Variants in USP10 observed in about 807,000 individuals in gnomAD.
USP10 encodes the protein ubiquitin specific peptidase 10, also known as ubiquitin carboxyl-terminal hydrolase 10.
Under a neutral mutation model 84.5 loss-of-function variants are expected in USP10, and 22 were observed. That is an observed-to-expected ratio of 0.26 (90% CI 0.19 to 0.37). The LOEUF (loss-of-function observed/expected upper bound fraction) is 0.37. USP10 is among the 10% of genes least tolerant of loss of function. USP10 has a pLI of 1.00. For synonymous variants in USP10, 454 were observed against 387.6 expected, an observed-to-expected ratio of 1.17 and a Z score of -2.01; for missense variants, 1,019 against 998.9, an observed-to-expected ratio of 1.02 and a Z score of -0.27.
At chr16:84,771,635 G>A (rs1050827051) in intron 11 of USP10, among the ~76,000 whole-genome samples, 2 of 152,200 alleles carry the variant, frequency 1.3e-5, no homozygotes, top group African/African-American at 2.4e-5. Context: ...TTGGGAGGCT[G>A]AGGCAGGTGG....
intron 1 of USP10, chr16:84,732,952 A>C (rs1189846152): frequency 2.5e-6 from 1 of 399,150 alleles, no homozygotes; most frequent in East Asian, 7.1e-5. Flanking sequence ...CTAAGAAGTT[A>C]TATAGATATT....
chr16:84,737,850 A>T (rs192842109), intron 2 of USP10, among the ~76,000 whole-genome samples: 48 of 152,206 alleles, frequency 3.2e-4, no homozygotes, highest in African/African-American at 1.2e-3. Flanking sequence ...AGTCAGTGCC[A>T]CCTGGTGTCA....
chr16:84,745,141 T>C lies in USP10; in HGVS notation c.660T>C (p.Ser220=), dbSNP rs1424758972. The C allele has an allele frequency of 2.5e-6, 4 of 1,613,380 alleles. No individual in the cohort carries two copies. The African/African-American group carries it at 4.0e-5, about 16-fold the overall frequency. ...NSPQNSTDSV[S]DIVPDSPFPG... The stretch of plus-strand genomic sequence containing the variant: ...CCCAGAACTCCACAGACTCTGTCAG[T>C]GACATTGTGCCTGACAGTCCTTTCC... Residue 220 remains serine (S), a synonymous_variant, in exon 4 of 14, where the codon AGT becomes AGC. Coordinates refer to ENST00000219473, the MANE Select transcript of USP10 (RefSeq NM_005153.3).
chr16:84,706,844 C>CTA (rs142196139), intron 1 of USP10, among the ~76,000 whole-genome samples: 2 of 151,900 alleles, frequency 1.3e-5, no homozygotes, highest in Non-Finnish European at 1.5e-5. Flanking sequence ...CGGGCCAAGA[C>CTA]TATATATATA....
At chr16:84,722,803 G>T (rs538770233) in intron 1 of USP10, among the ~76,000 whole-genome samples, 2 of 152,160 alleles carry the variant, frequency 1.3e-5, no homozygotes, top group East Asian at 3.9e-4. Flanking sequence ...TGATTTGTCC[G>T]CCTCGGCCTC....
intron 2 of USP10, among the ~76,000 whole-genome samples, chr16:84,737,600 G>A (rs1197965896): frequency 1.3e-5 from 2 of 152,220 alleles, no homozygotes; most frequent in Non-Finnish European, 2.9e-5. Flanking sequence ...CAAAGTAAGT[G>A]TGTTGAGCAT....
rs376028876 is a variant in USP10, at chr16:84,744,699, G to C, written c.218G>C (p.Arg73Thr). 1.2e-6 allele frequency: 2 copies of C among 1,613,606 alleles called. No homozygotes were observed. Among genetic ancestry groups the C allele is most frequent in the Non-Finnish European group, 1.7e-6 (2 of 1,179,694 alleles). The part of the protein sequence containing the change: ...EVIEPSDTLP[R>T]TPSYSISSTL... ...ATTGAACCCAGTGACACTTTGCCGA[G>C]AACCCCCAGCTACAGTATTTCAAGC... Residue 73 changes from arginine (R) to threonine (T), a missense_variant, in exon 4 of 14, where the codon AGA (arginine) becomes ACA (threonine). This residue lies in a region of USP10 where 787 missense variants were observed against 708.8 expected (regional missense o/e 1.11). Transcript: ENST00000219473.
chr16:84,705,715 C>CTTTTT (rs1034372044), intron 1 of USP10, among the ~76,000 whole-genome samples: 78 of 71,296 alleles, frequency 1.1e-3, no homozygotes, highest in Non-Finnish European at 1.4e-3. Flanking sequence ...CCCTTGCTTG[C>CTTTTT]TTTTTTTTTT....
chr16:84,779,374 G>C lies in USP10; in HGVS notation c.*292G>C, dbSNP rs950012183. 1.6e-5 allele frequency: 4 copies of C among 244,178 alleles called. No homozygotes were observed. In the Admixed American group the frequency reaches 2.2e-4, roughly 13 times the overall value. The allele number at this position is 244,178 out of a possible 1,614,324, so 15.1% of individuals were successfully genotyped here. A position where few individuals can be genotyped will look rare whatever the true frequency, so the allele number is the denominator to read the frequency against. On this transcript the variant is annotated 3_prime_UTR_variant, in exon 14 of 14. Transcript: ENST00000219473. The stretch of plus-strand genomic sequence containing the variant: ...ATTCCTGAGATAAGAAAGTGGATTT[G>C]ATCCCCAGTCTCATTGCTTAGTAGA...
chr16:84,701,831 G>C (rs1013409345), intron 1 of USP10, among the ~76,000 whole-genome samples: 1 of 151,978 alleles, frequency 6.6e-6, no homozygotes, highest in African/African-American at 2.4e-5. Context: ...GTAAATGTTA[G>C]CAACACTTTG....
chr16:84,761,571 T>C lies in USP10; in HGVS notation c.1554+1296T>C, dbSNP rs975617853. ...ACGCGTAACTACTCCAGCACCAGAC[T>C]GTGACCACACGTGAAATGCTGCCAA... is the stretch of plus-strand genomic sequence containing the variant. On this transcript the variant is annotated intron_variant, in intron 8 of 13. Transcript: ENST00000219473. Among the ~76,000 whole-genome samples, 3 of 152,242 alleles carry C rather than the reference T, an allele frequency of 2.0e-5. No homozygotes were observed. The East Asian group carries it at 5.8e-4, about 29-fold the overall frequency.
chr16:84,704,300 G>T (rs73261576), intron 1 of USP10, among the ~76,000 whole-genome samples: 136 of 152,368 alleles, frequency 8.9e-4, no homozygotes, highest in African/African-American at 3.1e-3. Flanking sequence ...AATATGAAAC[G>T]TAGTGGGAAG....
intron 1 of USP10, among the ~76,000 whole-genome samples, chr16:84,728,831 C>T (rs1908850728): frequency 6.6e-6 from 1 of 152,030 alleles, no homozygotes; most frequent in African/African-American, 2.4e-5. Flanking sequence ...CGGAGTCTTC[C>T]TCTGTCATTC....
chr16:84,738,244 T>C (rs978407709), intron 2 of USP10, among the ~76,000 whole-genome samples: 11 of 152,322 alleles, frequency 7.2e-5, no homozygotes, highest in African/African-American at 2.6e-4. Context: ...AACATTGATA[T>C]AATAGTGATG....
At chr16:84,728,866 T>C (rs975554510) in intron 1 of USP10, among the ~76,000 whole-genome samples, 14 of 152,190 alleles carry the variant, frequency 9.2e-5, no homozygotes, top group Non-Finnish European at 4.4e-5. Flanking sequence ...TGGCACCATC[T>C]TGGCTCACTG....
intron 1 of USP10, among the ~76,000 whole-genome samples, chr16:84,713,031 C>T (rs966740969): frequency 3.9e-5 from 6 of 152,192 alleles, no homozygotes; most frequent in Admixed American, 6.5e-5. Context: ...AGCTGTCCCC[C>T]AAATGCAAGA....
rs750482421 is a variant in USP10, at chr16:84,733,422, T to C, written c.22-13T>C. 2.5e-6 allele frequency: 4 copies of C among 1,580,810 alleles called. No individual in the cohort carries two copies. Among genetic ancestry groups the C allele is most frequent in the Non-Finnish European group, 2.6e-6 (3 of 1,157,634 alleles). On this transcript the variant is annotated splice_polypyrimidine_tract_variant and intron_variant, in intron 1 of 13. Coordinates refer to ENST00000219473, the MANE Select transcript of USP10 (RefSeq NM_005153.3). ...TATTTTATGTGATCAGTGACTCTCTTATTTTTTTTCAGTATATTTTTGGAG... is the reference window on the plus strand; with the variant it reads ...TATTTTATGTGATCAGTGACTCTCTCATTTTTTTTCAGTATATTTTTGGAG...
At chr16:84,759,974 T>C in intron 7 of USP10, 28 bp downstream of exon 7, 1 of 1,611,374 alleles carries the variant, frequency 6.2e-7, no homozygotes, top group East Asian at 2.2e-5. Flanking sequence ...TTGTTGATGC[T>C]ATTACATATT....
intron 10 of USP10, among the ~76,000 whole-genome samples, chr16:84,766,659 A>C (rs1295670619): frequency 6.6e-6 from 1 of 152,216 alleles, no homozygotes; most frequent in Non-Finnish European, 1.5e-5. Flanking sequence ...AATTTGTCTA[A>C]GAGTAACCAG....
Sources: gnomAD v4.1 joint callset for allele counts (sites outside exome capture counted in the v4.1 genomes callset) on GRCh38, gnomAD v4.1.1 for gene constraint, gnomAD v4.1.1 regional missense constraint, MANE v1.5 for transcripts, NCBI Gene and HGNC (gene_info 2026-07-23, HGNC 2026-07-21) for gene names.